Variants in EXOG observed in about 807,000 individuals in gnomAD.
EXOG encodes exo/endonuclease G.
In EXOG, 27 loss-of-function variants were observed where a neutral mutation model predicts 25.8. The observed-to-expected ratio is 1.05, with a 90% confidence interval of 0.77 to 1.45. EXOG has a LOEUF of 1.45. Ranked by LOEUF, EXOG falls within the 40% of genes most tolerant of loss-of-function variation. EXOG has a pLI of 0.00. For missense variants in EXOG, 458 were observed against 450.5 expected, an observed-to-expected ratio of 1.02 and a Z score of -0.15; for synonymous variants, 133 against 167.0, an observed-to-expected ratio of 0.80 and a Z score of 1.57.
intron 5 of EXOG, among the ~76,000 whole-genome samples, chr3:38,512,863 C>T (rs191379169): frequency 2.4e-4 from 37 of 152,228 alleles, no homozygotes; most frequent in African/African-American, 7.7e-4. Context: ...GTGACAAGAT[C>T]GTAGCTCACT....
In EXOG at chr3:38,524,535, A is replaced by T. The variant is rs2060826599; in HGVS notation, c.*173A>T. On this transcript the variant is annotated 3_prime_UTR_variant, in exon 6 of 6. Transcript: ENST00000287675. ...CAGTGGTGGAATCATAGCTCACTAT[A>T]GCCTCAAACTTCTGGGCTTAAGCAA... 1 of 1,309,786 alleles carries T rather than the reference A, an allele frequency of 7.6e-7. No individual in the cohort carries two copies. Among genetic ancestry groups the T allele is most frequent in the Admixed American group, 3.3e-5 (1 of 30,570 alleles). 81.1% of individuals were successfully genotyped at this position (1,309,786 alleles called of 1,614,324 possible).
At chr3:38,497,468 G>T in intron 1 of EXOG, 161 bp from the exon 2 acceptor site, 7 of 1,353,948 alleles carry the variant, frequency 5.2e-6, no homozygotes, top group Non-Finnish European at 5.7e-6. Flanking sequence ...ATAAGTAATT[G>T]CAAAAATGAG....
chr3:38,498,664 G>A, intron 2 of EXOG: 1 of 215,426 alleles, frequency 4.6e-6, no homozygotes. Context: ...ACTTAGGCAA[G>A]GGGTTGAATG....
intron 4 of EXOG, among the ~76,000 whole-genome samples, chr3:38,504,948 C>T (rs1442953163): frequency 1.3e-5 from 2 of 152,082 alleles, no homozygotes; most frequent in Non-Finnish European, 2.9e-5. Context: ...TCAGTCATGG[C>T]GACATTTGTT....
intron 5 of EXOG, among the ~76,000 whole-genome samples, chr3:38,517,393 T>G (rs1263625028): frequency 1.3e-5 from 2 of 152,238 alleles, no homozygotes; most frequent in Non-Finnish European, 2.9e-5. Flanking sequence ...CTCATCATTT[T>G]TTAGCATTTC....
intron 5 of EXOG, among the ~76,000 whole-genome samples, chr3:38,512,384 C>A (rs901977559): frequency 2.0e-5 from 3 of 152,162 alleles, no homozygotes; most frequent in Non-Finnish European, 4.4e-5. Context: ...TACTCCTTAT[C>A]CCACTGTCCA....
Position 38,526,174 on chromosome 3 carries a change from A to G in EXOG, c.*1812A>G. 1 of 985,316 alleles carries G rather than the reference A, an allele frequency of 1.0e-6. No individual in the cohort carries two copies. The highest frequency in any genetic ancestry group is 1.2e-6 in the Non-Finnish European group (1 of 829,842). 61.0% of individuals were successfully genotyped at this position (985,316 alleles called of 1,614,324 possible). ...TTGTCAGTAAAACGTCTTGGGGCATAAGAACTTGTCTGAATCTGTCATACA... is the reference window on the plus strand; with the variant it reads ...TTGTCAGTAAAACGTCTTGGGGCATGAGAACTTGTCTGAATCTGTCATACA... On this transcript the variant is annotated 3_prime_UTR_variant, in exon 6 of 6. Transcript: ENST00000287675.
chr3:38,509,369 A>G (rs533203597), intron 5 of EXOG, among the ~76,000 whole-genome samples: 1 of 152,300 alleles, frequency 6.6e-6, no homozygotes, highest in South Asian at 2.1e-4. Context: ...TTGTGTGGCT[A>G]TTTCTGTAAA....
intron 5 of EXOG, among the ~76,000 whole-genome samples, chr3:38,515,110 G>C (rs183926000): frequency 2.0e-5 from 3 of 152,092 alleles, no homozygotes; most frequent in Admixed American, 1.3e-4. Flanking sequence ...CTTTGGTAGA[G>C]TATATCCTCA....
chr3:38,500,672 A>G (rs2060019137), intron 2 of EXOG, among the ~76,000 whole-genome samples: 1 of 152,206 alleles, frequency 6.6e-6, no homozygotes, highest in Non-Finnish European at 1.5e-5. Flanking sequence ...GTCTCACCTC[A>G]CGATAGTGCA....
chr3:38,499,798 A>G (rs1439458086), intron 2 of EXOG: 3 of 386,996 alleles, frequency 7.8e-6, no homozygotes, highest in Non-Finnish European at 1.5e-5. Flanking sequence ...AAATGGCTTA[A>G]GAAAAATGAA....
chr3:38,520,543 C>T (rs2060683689), intron 5 of EXOG, among the ~76,000 whole-genome samples: 1 of 152,184 alleles, frequency 6.6e-6, no homozygotes, highest in South Asian at 2.1e-4. Context: ...AAGTTGCTTT[C>T]TCCTCCTGAA....
chr3:38,523,857 G>A (rs866565271), intron 5 of EXOG, 44 bp from the exon 6 acceptor site: 2 of 1,456,270 alleles, frequency 1.4e-6, no homozygotes, highest in African/African-American at 2.8e-5. Context: ...TTTGCGAACT[G>A]TTAGCACAAA....
intron 1 of EXOG, chr3:38,497,339 ATTTGATG>A: frequency 8.8e-7 from 1 of 1,130,688 alleles, no homozygotes. Context: ...TGATTTGGAA[ATTTGATG>A]TGAAAGACTA....
chr3:38,522,676 G>A (rs1001814590), intron 5 of EXOG, among the ~76,000 whole-genome samples: 1 of 151,960 alleles, frequency 6.6e-6, no homozygotes, highest in African/African-American at 2.4e-5. Flanking sequence ...AGCTAATTTT[G>A]TATTTTTAGT....
intron 5 of EXOG, among the ~76,000 whole-genome samples, chr3:38,514,226 A>C (rs147188475): frequency 6.6e-6 from 1 of 152,252 alleles, no homozygotes; most frequent in Admixed American, 6.5e-5. Flanking sequence ...TAAAGCACAC[A>C]CTGGCTTCTT....
chr3:38,498,146 G>T (rs2059947716), intron 2 of EXOG: 1 of 170,158 alleles, frequency 5.9e-6, no homozygotes, highest in Non-Finnish European at 1.2e-5. Flanking sequence ...CTCTACCCCA[G>T]TGACACTTTG....
intron 5 of EXOG, among the ~76,000 whole-genome samples, chr3:38,518,810 G>A (rs997320323): frequency 2.6e-5 from 4 of 152,150 alleles, no homozygotes; most frequent in Admixed American, 1.3e-4. Context: ...AAAAAGTAGT[G>A]ACCATTTTCT....
At position 38,523,333 on chromosome 3, in the gene EXOG, G is replaced by A. The variant is rs552566740; in HGVS notation, c.646-568G>A. 1.6e-5 allele frequency: 20 copies of A among 1,249,048 alleles called. No homozygotes were observed. In the Admixed American group the frequency reaches 5.9e-4, roughly 37 times the overall value. The allele number at this position is 1,249,048 out of a possible 1,614,324, so 77.4% of individuals were successfully genotyped here. On this transcript the variant is annotated intron_variant, in intron 5 of 5. Transcript: ENST00000287675. ...TCCTTTGTCCTACAAACAGAACAGA[G>A]ACTGTGACCCCTGATCTTTGGGTTG... is the stretch of plus-strand genomic sequence containing the variant.
Sources: gnomAD v4.1 joint callset for allele counts (sites outside exome capture counted in the v4.1 genomes callset) on GRCh38, gnomAD v4.1.1 for gene constraint, MANE v1.5 for transcripts, NCBI Gene and HGNC (gene_info 2026-07-23, HGNC 2026-07-21) for gene names.